The following CNTNAP2 variants were observed in gnomAD, a reference collection of about 807,000 sequenced individuals.
The protein encoded by CNTNAP2 is contactin associated protein 2.
Under a neutral mutation model 155.2 loss-of-function variants are expected in CNTNAP2, and 98 were observed. The observed-to-expected ratio is 0.63, with a 90% CI of 0.54 to 0.75. The LOEUF is 0.75. CNTNAP2 is among the 30% of genes least tolerant of loss of function. The probability of loss-of-function intolerance (pLI) is 0.00; values close to 1 mark genes in which losing one functional copy is unlikely to be tolerated. For synonymous variants in CNTNAP2, 651 were observed against 631.2 expected (o/e 1.03, Z -0.47); for missense variants, 1,727 against 1,688.1 (o/e 1.02, Z -0.40).
At chr7:147,515,300 T>C (rs988167859) in intron 11 of CNTNAP2, among the ~76,000 whole-genome samples, 3 of 151,122 alleles carry the variant, frequency 2.0e-5, no homozygotes, top group Middle Eastern at 3.4e-3. Flanking sequence ...TGCTTTATTT[T>C]TCTTCATAGT....
At chr7:147,509,352 A>C (rs1470798639) in intron 11 of CNTNAP2, among the ~76,000 whole-genome samples, 1 of 152,218 alleles carries the variant, frequency 6.6e-6, no homozygotes, top group African/African-American at 2.4e-5. Flanking sequence ...AAAAAACAGG[A>C]CAGGACTGAT....
chr7:146,526,288 T>C (rs991132630), intron 1 of CNTNAP2, among the ~76,000 whole-genome samples: 5 of 152,198 alleles, frequency 3.3e-5, no homozygotes, highest in African/African-American at 1.2e-4. Flanking sequence ...TGCATTGCTA[T>C]AGGAAATTCC....
intron 1 of CNTNAP2, among the ~76,000 whole-genome samples, chr7:146,740,314 C>T (rs1376634197): frequency 2.0e-5 from 3 of 150,828 alleles, no homozygotes; most frequent in Non-Finnish European, 4.4e-5. Context: ...TTTAATCCCT[C>T]TAATGAATTT....
intron 3 of CNTNAP2, among the ~76,000 whole-genome samples, chr7:146,887,165 C>T (rs951189414): frequency 6.6e-6 from 1 of 151,378 alleles, no homozygotes; most frequent in Admixed American, 6.6e-5. Context: ...TGTTTGTTTG[C>T]GACAGTGGAG....
chr7:148,333,472 A>T (rs1222517113), intron 21 of CNTNAP2, among the ~76,000 whole-genome samples: 1 of 152,066 alleles, frequency 6.6e-6, no homozygotes, highest in Non-Finnish European at 1.5e-5. Flanking sequence ...AAGTTAATTG[A>T]CTGGGAGGAC....
intron 1 of CNTNAP2, among the ~76,000 whole-genome samples, chr7:146,267,652 T>G (rs142891257): frequency 1.1e-4 from 16 of 152,276 alleles, no homozygotes; most frequent in African/African-American, 3.4e-4. Flanking sequence ...CGCCAGCTAA[T>G]GATGAATCAG....
intron 1 of CNTNAP2, among the ~76,000 whole-genome samples, chr7:146,757,514 A>G (rs967117996): frequency 3.9e-5 from 6 of 152,166 alleles, no homozygotes; most frequent in African/African-American, 4.8e-5. Context: ...ACATTTCATG[A>G]CATTATAGAA....
intron 3 of CNTNAP2, among the ~76,000 whole-genome samples, chr7:146,876,437 A>G (rs1469125931): frequency 1.3e-5 from 2 of 152,170 alleles, no homozygotes; most frequent in Admixed American, 1.3e-4. Context: ...TGTGATTATG[A>G]TTTCAGCAAA....
chr7:146,157,888 G>A (rs183922554), intron 1 of CNTNAP2, among the ~76,000 whole-genome samples: 20 of 152,170 alleles, frequency 1.3e-4, no homozygotes, highest in African/African-American at 4.8e-4. Flanking sequence ...AGAGAGTAGT[G>A]GTTCTCCCAG....
chr7:147,162,004 TGAATG>T (rs1285699879), intron 8 of CNTNAP2: 1 of 152,186 alleles, frequency 6.6e-6, no homozygotes, highest in African/African-American at 2.4e-5. Context: ...GCCTATGCTA[TGAATG>T]GAATCTTTAC....
At chr7:146,740,703 G>T (rs561115334) in intron 1 of CNTNAP2, among the ~76,000 whole-genome samples, 1 of 152,308 alleles carries the variant, frequency 6.6e-6, no homozygotes, top group African/African-American at 2.4e-5. Context: ...CAATGCTGGG[G>T]CATGCCAGAA....
chr7:147,270,708 A>T (rs1324570656), intron 8 of CNTNAP2, among the ~76,000 whole-genome samples: 2 of 152,166 alleles, frequency 1.3e-5, no homozygotes, highest in African/African-American at 4.8e-5. Context: ...GTTCCTGTAA[A>T]TGCCATGGCT....
chr7:146,298,345 TA>T (rs1245958372), intron 1 of CNTNAP2, among the ~76,000 whole-genome samples: 2 of 152,222 alleles, frequency 1.3e-5, no homozygotes, highest in South Asian at 2.1e-4. Context: ...CATTCAAGCA[TA>T]AAAAAAGAAT....
At chr7:146,853,422 CACTA>C (rs778520093) in intron 3 of CNTNAP2, among the ~76,000 whole-genome samples, 40 of 152,278 alleles carry the variant, frequency 2.6e-4, no homozygotes, top group Non-Finnish European at 5.1e-4. Flanking sequence ...TCTTACTACA[CACTA>C]ACTATTAATC....
rs143077304 is a variant in CNTNAP2 at position 146,406,707 on chromosome 7, C to T, written c.97+289734C>T. On this transcript the variant is annotated intron_variant, in intron 1 of 23. Transcript: ENST00000361727. ...TCACACAGAGGGGACTACACCTCCT[C>T]CTCTGGGGACTACCTTGAGTCAACC... is the stretch of plus-strand genomic sequence containing the variant. Among the ~76,000 whole-genome samples the T allele has an allele frequency of 2.5e-3, 383 of 152,258 alleles. 1 individual carries two copies. Among genetic ancestry groups the T allele is most frequent in the Middle Eastern group, 0.014 (4 of 294 alleles).
At chr7:148,087,456 A>C (rs1803755686) in intron 15 of CNTNAP2, among the ~76,000 whole-genome samples, 1 of 152,018 alleles carries the variant, frequency 6.6e-6, no homozygotes, top group South Asian at 2.1e-4. Context: ...TTTCTCTCTC[A>C]AGCATCATTT....
chr7:146,164,747 C>CT (rs1430955733), intron 1 of CNTNAP2, among the ~76,000 whole-genome samples: 1 of 152,136 alleles, frequency 6.6e-6, no homozygotes, highest in African/African-American at 2.4e-5. Flanking sequence ...GATCATTCTT[C>CT]TTTATAGTTT....
At chr7:146,859,416 G>T (rs1376987771) in intron 3 of CNTNAP2, among the ~76,000 whole-genome samples, 2 of 152,060 alleles carry the variant, frequency 1.3e-5, no homozygotes, top group Non-Finnish European at 2.9e-5. Context: ...CAGCACTTTG[G>T]GAGGCCAAGG....
intron 13 of CNTNAP2, among the ~76,000 whole-genome samples, chr7:147,888,633 C>T (rs1268695281): frequency 6.6e-6 from 1 of 151,336 alleles, no homozygotes; most frequent in Non-Finnish European, 1.5e-5. Flanking sequence ...GAAAGCAATC[C>T]CCAGCTAGAC....
Sources: gnomAD v4.1 joint callset for allele counts (sites outside exome capture counted in the v4.1 genomes callset) on GRCh38, gnomAD v4.1.1 for gene constraint, MANE v1.5 for transcripts, NCBI Gene and HGNC (gene_info 2026-07-23, HGNC 2026-07-21) for gene names.